The following BCAP29 variants were observed in gnomAD, a reference collection of about 807,000 sequenced individuals.
BCAP29 encodes B cell receptor associated protein 29, also known as B-cell receptor-associated protein 29.
In BCAP29, 34 loss-of-function variants were observed where a neutral mutation model predicts 31.8. The observed-to-expected ratio is 1.07, with a 90% CI of 0.81 to 1.42. BCAP29 has a LOEUF of 1.42. Ranked by LOEUF, BCAP29 falls within the 40% of genes most tolerant of loss-of-function variation. BCAP29 has a pLI of 0.00. For missense variants in BCAP29, 314 were observed against 269.2 expected, an observed-to-expected ratio of 1.17 and a Z score of -1.16; for synonymous variants, 104 against 91.3, an observed-to-expected ratio of 1.14 and a Z score of -0.79.
chr7:107,588,215 T>G (rs1286267714), intron 3 of BCAP29, among the ~76,000 whole-genome samples: 2 of 152,192 alleles, frequency 1.3e-5, no homozygotes, highest in African/African-American at 4.8e-5. Flanking sequence ...ACTAAGACTT[T>G]CAGGAATAGA....
In BCAP29 at chr7:107,595,968, A is replaced by G. The variant is rs1809742623; in HGVS notation, c.446A>G (p.Lys149Arg). 1 of 1,580,162 alleles carries G rather than the reference A, an allele frequency of 6.3e-7. No individual in the cohort carries two copies. The highest frequency in any genetic ancestry group is 2.0e-5 in the Admixed American group (1 of 49,152). Residue 149 changes from lysine to arginine, a missense_variant, in exon 5 of 8, where the codon AAA becomes AGA. Transcript: ENST00000005259. ...TQAENTNKAA[K>R]KFMEENEKLK... ...GCAGAAAATACTAACAAGGCTGCCAAAAAATTTATGGAAGAAAACGAAAAA... is the reference window on the plus strand; with the variant it reads ...GCAGAAAATACTAACAAGGCTGCCAGAAAATTTATGGAAGAAAACGAAAAA...
Position 107,618,225 on chromosome 7 carries a change from A to G in BCAP29, c.691-103A>G, listed in dbSNP as rs1814538186. 6 of 744,256 alleles carry G rather than the reference A, an allele frequency of 8.1e-6. No homozygotes were observed. In the South Asian group the frequency reaches 1.3e-4, roughly 16 times the overall value. 46.1% of individuals were successfully genotyped at this position (744,256 alleles called of 1,614,324 possible). A position where few individuals can be genotyped will look rare whatever the true frequency, so the allele number is the denominator to read the frequency against. Reference sequence around the variant, plus strand: ...CTTTTTTTCACATTTAATTATTCTCATAAGTATACATAGAAGAGAGAATGT... The same window carrying G: ...CTTTTTTTCACATTTAATTATTCTCGTAAGTATACATAGAAGAGAGAATGT... On this transcript the variant is annotated intron_variant, in intron 7 of 7. Coordinates refer to ENST00000005259, the MANE Select transcript of BCAP29 (RefSeq NM_018844.4).
intron 6 of BCAP29, among the ~76,000 whole-genome samples, chr7:107,610,178 G>A (rs1812873086): frequency 6.6e-6 from 1 of 152,194 alleles, no homozygotes; most frequent in African/African-American, 2.4e-5. Context: ...AATAAATGAT[G>A]CAAGTGCCTT....
At chr7:107,581,375 A>G (rs952944635) in intron 2 of BCAP29, among the ~76,000 whole-genome samples, 3 of 152,222 alleles carry the variant, frequency 2.0e-5, no homozygotes, top group Admixed American at 1.3e-4. Flanking sequence ...TTGATTTCAC[A>G]TAAAATTAAT....
At chr7:107,583,393 T>G (rs1807059834) in intron 2 of BCAP29, among the ~76,000 whole-genome samples, 2 of 152,184 alleles carry the variant, frequency 1.3e-5, no homozygotes, top group Middle Eastern at 3.2e-3. Context: ...GTAGTTTTTA[T>G]AATTCCCTCA....
chr7:107,600,555 T>C lies in BCAP29; in HGVS notation c.589+50T>C, dbSNP rs778250050. 7.3e-6 allele frequency: 8 copies of C among 1,093,300 alleles called. No homozygotes were observed. In the African/African-American group the frequency reaches 1.1e-4, roughly 15 times the overall value. 67.7% of individuals were successfully genotyped at this position (1,093,300 alleles called of 1,614,324 possible). ...GTAAAAAGACTAGCATGATATTTTA[T>C]GCTGTACACTTCACTGTTTTTCCTA... On this transcript the variant is annotated intron_variant, in intron 6 of 7. Transcript: ENST00000005259.
Position 107,609,771 on chromosome 7 carries a change from T to G in BCAP29, c.590-3561T>G, listed in dbSNP as rs143999928. ...GGCAAAGGAGTAGTACATGTGAGGA[T>G]TAAATACTGAATAGCTCCAGTGTAT... is the stretch of plus-strand genomic sequence containing the variant. On this transcript the variant is annotated intron_variant, in intron 6 of 7. Transcript: ENST00000005259. 3.3e-5 allele frequency among the ~76,000 whole-genome samples: 5 copies of G among 152,318 alleles called. No individual in the cohort carries two copies. The East Asian group carries it at 9.6e-4, about 29-fold the overall frequency.
chr7:107,596,971 A>G (rs1487736391), intron 5 of BCAP29, among the ~76,000 whole-genome samples: 1 of 151,946 alleles, frequency 6.6e-6, no homozygotes, highest in Non-Finnish European at 1.5e-5. Flanking sequence ...TACTGTCCTG[A>G]TTTGCTGCTT....
At chr7:107,592,603 A>G (rs979135047) in intron 3 of BCAP29, among the ~76,000 whole-genome samples, 1 of 152,238 alleles carries the variant, frequency 6.6e-6, no homozygotes, top group Admixed American at 6.5e-5. Flanking sequence ...GAGAAATGAA[A>G]GCACATGTCG....
At chr7:107,588,318 CTAGA>C (rs1382131860) in intron 3 of BCAP29, among the ~76,000 whole-genome samples, 2 of 152,126 alleles carry the variant, frequency 1.3e-5, no homozygotes, top group South Asian at 2.1e-4. Flanking sequence ...AAATGTGGAA[CTAGA>C]TAGAGGTGGT....
intron 5 of BCAP29, 96 bp downstream of exon 5, chr7:107,596,098 T>C: frequency 3.6e-6 from 4 of 1,111,180 alleles, no homozygotes; most frequent in Non-Finnish European, 4.9e-6. Flanking sequence ...TTATATTTTA[T>C]AAGCAGAAAA....
chr7:107,599,459 G>C (rs1187458995), intron 5 of BCAP29, among the ~76,000 whole-genome samples: 1 of 145,726 alleles, frequency 6.9e-6, no homozygotes, highest in African/African-American at 2.5e-5. Context: ...GGTCAGGGCT[G>C]AAGAGACTAT....
intron 6 of BCAP29, among the ~76,000 whole-genome samples, chr7:107,610,670 A>G (rs1812955893): frequency 6.6e-6 from 1 of 152,228 alleles, no homozygotes; most frequent in Non-Finnish European, 1.5e-5. Flanking sequence ...TTGGCTTAGT[A>G]AGTGGCAGAA....
rs1809352453 is a variant in BCAP29 at position 107,594,019 on chromosome 7, AC to A, written c.260del (p.Pro87LeufsTer9). On this transcript the variant is annotated frameshift_variant, in exon 4 of 8. Transcript: ENST00000005259. LOFTEE classifies it high-confidence loss of function. ...CCATTGAGAAGAGCTCCACCAGCAGACCTGATGCCTATGAACACACACAGAT... is the reference window on the plus strand; with the variant it reads ...CCATTGAGAAGAGCTCCACCAGCAGACTGATGCCTATGAACACACACAGAT... Reference protein sequence around the residue: ...HTIEKSSTSRPDAYEHTQMKL... With the variant: ...HTIEKSSTSRXDAYEHTQMKL... The A allele has an allele frequency of 6.2e-7, 1 of 1,613,688 alleles. No homozygotes were observed. The highest frequency in any genetic ancestry group is 1.3e-5 in the African/African-American group (1 of 74,916).
At position 107,619,176 on chromosome 7, in the gene BCAP29, G is replaced by A. The variant is rs1465775341; in HGVS notation, c.*813G>A. On this transcript the variant is annotated 3_prime_UTR_variant, in exon 8 of 8. Coordinates refer to ENST00000005259, the MANE Select transcript of BCAP29 (RefSeq NM_018844.4). ...AGTATTTCTAGAAAGTGTCCAAAAA[G>A]CAGTATTTCTTTCCCTTGGTTGTGA... 6.6e-6 allele frequency: 1 copy of A among 152,428 alleles called. No homozygotes were observed. The highest frequency in any genetic ancestry group is 2.4e-5 in the African/African-American group (1 of 41,424). 9.4% of individuals were successfully genotyped at this position (152,428 alleles called of 1,614,324 possible). A position where few individuals can be genotyped will look rare whatever the true frequency, so the allele number is the denominator to read the frequency against.
intron 2 of BCAP29, among the ~76,000 whole-genome samples, chr7:107,582,755 C>G (rs1806930086): frequency 6.6e-6 from 1 of 152,152 alleles, no homozygotes; most frequent in Non-Finnish European, 1.5e-5. Flanking sequence ...TATGAGAGAT[C>G]TCTTACATTC....
At position 107,618,408 on chromosome 7, in the gene BCAP29, TTTG is replaced by T; in HGVS notation, c.*48_*50del. ...CAATATACTGTGTCAAAATGATAAT[TTTG>T]TTATGTTAGCCTCTAGAAAATTTAA... On this transcript the variant is annotated 3_prime_UTR_variant, in exon 8 of 8. Transcript: ENST00000005259. The T allele has an allele frequency of 1.9e-6, 3 of 1,612,408 alleles. No individual in the cohort carries two copies. The highest frequency in any genetic ancestry group is 2.5e-6 in the Non-Finnish European group (3 of 1,178,776).
chr7:107,612,424 TA>T (rs1462114515), intron 6 of BCAP29, among the ~76,000 whole-genome samples: 3,045 of 44,986 alleles, frequency 0.068, 254 homozygotes, highest in South Asian at 0.16. Flanking sequence ...TATATATATA[TA>T]TATATATATA....
chr7:107,613,344 C>A lies in BCAP29; in HGVS notation c.602C>A (p.Ala201Glu). ...CGATATTTTCTAGCCCTTTCTAAGG[C>A]ACAAAATGATGTGATGGAAATGAAG... Reference protein sequence around the residue: ...LRKTSDALSKAQNDVMEMKMQ... With the variant: ...LRKTSDALSKEQNDVMEMKMQ... The change falls in exon 7 of 8, where the codon GCA becomes GAA. Residue 201 changes from alanine to glutamate, a missense_variant. By Grantham distance (107) the Ala-to-Glu change is moderately radical. Coordinates refer to ENST00000005259, the MANE Select transcript of BCAP29 (RefSeq NM_018844.4). 6.2e-7 allele frequency: 1 copy of A among 1,608,070 alleles called. No homozygotes were observed. Among genetic ancestry groups the A allele is most frequent in the Non-Finnish European group, 8.5e-7 (1 of 1,175,716 alleles).
Sources: gnomAD v4.1 joint callset for allele counts (sites outside exome capture counted in the v4.1 genomes callset) on GRCh38, gnomAD v4.1.1 for gene constraint, MANE v1.5 for transcripts, NCBI Gene and HGNC (gene_info 2026-07-23, HGNC 2026-07-21) for gene names.